Variants in SCHIP1 observed in about 807,000 individuals in gnomAD.
SCHIP1 encodes schwannomin-interacting protein 1.
In SCHIP1, 8 loss-of-function variants were observed where a neutral mutation model predicts 29.7. The ratio of observed to expected loss-of-function variants is 0.27; its 90% CI spans 0.16 to 0.49. SCHIP1 has a LOEUF of 0.49. Among genes scored for constraint, SCHIP1 ranks in the 20% least tolerant of loss-of-function variants. The pLI is 0.99. For missense variants in SCHIP1, 193 were observed against 294.6 expected (o/e 0.66, Z 2.52); for synonymous variants, 76 against 94.9 (o/e 0.80, Z 1.16).
the SCHIP1 span, among the ~76,000 whole-genome samples, chr3:159,722,763 T>C: frequency 6.6e-6 from 1 of 152,254 alleles, no homozygotes; most frequent in Non-Finnish European, 1.5e-5. Context: ...TCCATTTTAC[T>C]GTGGCTCAAA....
the SCHIP1 span, among the ~76,000 whole-genome samples, chr3:159,635,200 G>A: frequency 3.9e-5 from 6 of 152,150 alleles, no homozygotes; most frequent in East Asian, 3.9e-4. Flanking sequence ...ATCTATGAGT[G>A]ATAAGTCAAA....
chr3:159,592,636 C>G, the SCHIP1 span, among the ~76,000 whole-genome samples: 16 of 151,980 alleles, frequency 1.1e-4, no homozygotes, highest in African/African-American at 3.1e-4. Flanking sequence ...TCTTGCAGTA[C>G]CCAAGTCCAA....
At chr3:159,781,146 A>G in the SCHIP1 span, among the ~76,000 whole-genome samples, 1 of 152,138 alleles carries the variant, frequency 6.6e-6, no homozygotes, top group African/African-American at 2.4e-5. Context: ...CTGTGGGGGT[A>G]AATGTTCTGA....
At chr3:159,309,845 G>A in the SCHIP1 span, among the ~76,000 whole-genome samples, 1 of 152,022 alleles carries the variant, frequency 6.6e-6, no homozygotes, top group South Asian at 2.1e-4. Context: ...TTTACTAAGA[G>A]GAAAATCATT....
the SCHIP1 span, among the ~76,000 whole-genome samples, chr3:159,820,051 G>GT: frequency 8.5e-5 from 13 of 152,210 alleles, no homozygotes; most frequent in Admixed American, 7.2e-4. Context: ...ATTTCTGGCA[G>GT]TTTTTTGGGG....
At chr3:159,708,412 G>A in the SCHIP1 span, among the ~76,000 whole-genome samples, 1 of 152,160 alleles carries the variant, frequency 6.6e-6, no homozygotes, top group Non-Finnish European at 1.5e-5. Flanking sequence ...TTTGAAGTGA[G>A]GACAGAGGTC....
chr3:159,725,971 G>A, the SCHIP1 span, among the ~76,000 whole-genome samples: 1 of 152,116 alleles, frequency 6.6e-6, no homozygotes, highest in South Asian at 2.1e-4. Context: ...AGTGGATGAT[G>A]GTGCTATACT....
chr3:159,705,685 C>T, the SCHIP1 span, among the ~76,000 whole-genome samples: 2 of 151,388 alleles, frequency 1.3e-5, no homozygotes, highest in South Asian at 4.2e-4. Context: ...GAGAATGCCG[C>T]TCTAAGGATA....
chr3:159,310,690 G>A, the SCHIP1 span, among the ~76,000 whole-genome samples: 2 of 152,274 alleles, frequency 1.3e-5, no homozygotes, highest in African/African-American at 4.8e-5. Context: ...GCTTAAATCA[G>A]CTATTTCAGA....
chr3:159,582,124 G>GT, the SCHIP1 span, among the ~76,000 whole-genome samples: 8 of 151,858 alleles, frequency 5.3e-5, no homozygotes, highest in East Asian at 3.9e-4. Context: ...ATCTAGATAG[G>GT]TTTTTTTTAT....
the SCHIP1 span, among the ~76,000 whole-genome samples, chr3:159,620,733 G>T: frequency 5.3e-5 from 8 of 152,208 alleles, no homozygotes; most frequent in African/African-American, 1.9e-4. Context: ...GTGATCATGG[G>T]CATGTGGTGC....
chr3:159,789,235 G>T, the SCHIP1 span, among the ~76,000 whole-genome samples: 2 of 152,154 alleles, frequency 1.3e-5, no homozygotes, highest in Non-Finnish European at 2.9e-5. Flanking sequence ...AGTTAATGTT[G>T]CAATCTTGAG....
At chr3:159,534,951 TC>T in the SCHIP1 span, among the ~76,000 whole-genome samples, 1 of 152,238 alleles carries the variant, frequency 6.6e-6, no homozygotes, top group African/African-American at 2.4e-5. Context: ...CTCCCAATTC[TC>T]CCTTTCGTAA....
At chr3:159,665,116 C>G in the SCHIP1 span, among the ~76,000 whole-genome samples, 1 of 152,176 alleles carries the variant, frequency 6.6e-6, no homozygotes, top group Non-Finnish European at 1.5e-5. Flanking sequence ...GAGAGATGGG[C>G]TCTAGCATTG....
At chr3:159,524,911 C>T in the SCHIP1 span, among the ~76,000 whole-genome samples, 1 of 152,196 alleles carries the variant, frequency 6.6e-6, no homozygotes, top group African/African-American at 2.4e-5. Flanking sequence ...CTCATGACCC[C>T]TACTGTACAC....
chr3:159,816,242 C>T, the SCHIP1 span, among the ~76,000 whole-genome samples: 9 of 151,464 alleles, frequency 5.9e-5, no homozygotes, highest in South Asian at 2.1e-4. Flanking sequence ...AGCCACTGTG[C>T]GGCCTGCCTC....
At chr3:159,806,098 C>T in the SCHIP1 span, among the ~76,000 whole-genome samples, 3 of 152,138 alleles carry the variant, frequency 2.0e-5, no homozygotes, top group African/African-American at 7.2e-5. Flanking sequence ...CGTGAGCCAC[C>T]GCGCCTGGCC....
At chr3:159,293,195 G>A in the SCHIP1 span, among the ~76,000 whole-genome samples, 1 of 152,198 alleles carries the variant, frequency 6.6e-6, no homozygotes, top group South Asian at 2.1e-4. Context: ...ATGCAATAGA[G>A]ATGCTAGAAC....
the SCHIP1 span, among the ~76,000 whole-genome samples, chr3:159,595,353 AAGG>A: frequency 2.0e-5 from 3 of 152,084 alleles, no homozygotes; most frequent in African/African-American, 7.2e-5. Flanking sequence ...TTCAATGGTG[AAGG>A]AGGAGAACCA....
Sources: allele counts gnomAD v4.1 joint callset (sites outside exome capture counted in the v4.1 genomes callset), GRCh38; gene constraint gnomAD v4.1.1; transcripts MANE v1.5; gene names NCBI Gene and HGNC (gene_info 2026-07-23, HGNC 2026-07-21).